Variants in PLCB4 observed in about 807,000 individuals in gnomAD.
PLCB4 encodes the protein 1-phosphatidylinositol 4,5-bisphosphate phosphodiesterase beta-4.
PLCB4 carries 77 observed loss-of-function variants against 178.8 expected under a neutral mutation model. The observed-to-expected ratio is 0.43, with a 90% CI of 0.36 to 0.52. The LOEUF is 0.52. Ranked by LOEUF, PLCB4 falls within the 20% of genes least tolerant of loss-of-function variation. The probability of loss-of-function intolerance (pLI) is 0.00; values close to 1 mark genes in which losing one functional copy is unlikely to be tolerated. For missense variants in PLCB4, 1,024 were observed against 1,453.4 expected, an observed-to-expected ratio of 0.70 and a Z score of 4.80; for synonymous variants, 496 against 490.8, an observed-to-expected ratio of 1.01 and a Z score of -0.14.
In PLCB4 at chr20:9,411,029, C is replaced by T; in HGVS notation, c.2000-8C>T. 1 of 1,606,162 alleles carries T rather than the reference C, an allele frequency of 6.2e-7. No individual in the cohort carries two copies. Among genetic ancestry groups the T allele is most frequent in the Middle Eastern group, 1.7e-4 (1 of 6,044 alleles). ...ACAAGATGCTAAATTATTTTTGTCT[C>T]TTGACAGATTTAGCGATGCAATTGA... On this transcript the variant is annotated splice_region_variant and splice_polypyrimidine_tract_variant and intron_variant, in intron 24 of 39. Transcript: ENST00000378473.
chr20:9,405,344 A>C lies in PLCB4; in HGVS notation c.1643A>C (p.Lys548Thr), dbSNP rs1346768889. 1 of 1,525,084 alleles carries C rather than the reference A, an allele frequency of 6.6e-7. No homozygotes were observed. Among genetic ancestry groups the C allele is most frequent in the Admixed American group, 1.9e-5 (1 of 52,540 alleles). 94.5% of individuals were successfully genotyped at this position (1,525,084 alleles called of 1,614,324 possible). The change falls in exon 21 of 40, where the codon AAA becomes ACA. Residue 548 changes from lysine to threonine, a missense_variant. This residue lies in a region of PLCB4 where 263 missense variants were observed against 417.4 expected (regional missense o/e 0.63). Coordinates refer to ENST00000378473, the MANE Select transcript of PLCB4 (RefSeq NM_001377142.1). ...GATGACCTTGAACATGAAAACAACA[A>C]AAAGGTAACAAAATAATTCCCTTGC... ...ASDDLEHENN[K>T]KGLVTVEDEQ...
chr20:9,458,152 T>C (rs2043170151), intron 34 of PLCB4, among the ~76,000 whole-genome samples: 1 of 151,884 alleles, frequency 6.6e-6, no homozygotes, highest in Non-Finnish European at 1.5e-5. Flanking sequence ...AAAATAGCTG[T>C]GGTTGAACCA....
intron 3 of PLCB4, among the ~76,000 whole-genome samples, chr20:9,263,700 TC>T (rs1342020530): frequency 6.6e-6 from 1 of 152,202 alleles, no homozygotes; most frequent in Non-Finnish European, 1.5e-5. Context: ...CTAAGAGCTA[TC>T]CCCTGCCCTC....
At chr20:9,193,185 G>T (rs2093427193) in intron 2 of PLCB4, among the ~76,000 whole-genome samples, 1 of 152,356 alleles carries the variant, frequency 6.6e-6, no homozygotes, top group South Asian at 2.1e-4. Context: ...CCATGACAAA[G>T]ATTTGAGTGC....
intron 7 of PLCB4, among the ~76,000 whole-genome samples, chr20:9,343,634 G>C (rs1002080967): frequency 1.3e-5 from 2 of 152,184 alleles, no homozygotes; most frequent in African/African-American, 4.8e-5. Flanking sequence ...TGCTTTGAGA[G>C]TAAATACGTT....
At chr20:9,095,110 A>G (rs983856865) in intron 1 of PLCB4, among the ~76,000 whole-genome samples, 4 of 152,216 alleles carry the variant, frequency 2.6e-5, no homozygotes, top group African/African-American at 7.2e-5. Flanking sequence ...TTAGCCAAGA[A>G]GAGTGGAACT....
intron 15 of PLCB4, among the ~76,000 whole-genome samples, chr20:9,388,031 G>T (rs1184149815): frequency 6.6e-6 from 1 of 152,144 alleles, no homozygotes. Flanking sequence ...CTGAGATCAG[G>T]AGTTGGAGAC....
chr20:9,298,549 T>C (rs1361550441), intron 3 of PLCB4, among the ~76,000 whole-genome samples: 1 of 152,090 alleles, frequency 6.6e-6, no homozygotes, highest in Non-Finnish European at 1.5e-5. Flanking sequence ...TCCTGATAGA[T>C]TGAAACCTAT....
chr20:9,379,710 C>T (rs1000453941), intron 12 of PLCB4, among the ~76,000 whole-genome samples: 1 of 152,010 alleles, frequency 6.6e-6, no homozygotes, highest in African/African-American at 2.4e-5. Context: ...TTTGACCTCA[C>T]GTTTTATAGA....
intron 2 of PLCB4, among the ~76,000 whole-genome samples, chr20:9,158,513 C>T (rs564494997): frequency 1.5e-3 from 226 of 151,758 alleles, no homozygotes; most frequent in African/African-American, 5.4e-3. Context: ...ATGTAATCCA[C>T]CCTCCTTGGC....
chr20:9,393,823 T>C (rs868074213), intron 18 of PLCB4, 145 bp downstream of exon 18: 18 of 488,374 alleles, frequency 3.7e-5, no homozygotes, highest in Middle Eastern at 4.4e-4. Flanking sequence ...CAGAGCAAGA[T>C]TGCCACATTT....
intron 25 of PLCB4, among the ~76,000 whole-genome samples, chr20:9,417,773 G>T (rs546658953): frequency 2.0e-5 from 3 of 152,260 alleles, no homozygotes; most frequent in African/African-American, 7.2e-5. Flanking sequence ...TTGAGGAACT[G>T]CCAGACTGTC....
chr20:9,375,464 G>T (rs1247315237), intron 12 of PLCB4, among the ~76,000 whole-genome samples: 1 of 152,172 alleles, frequency 6.6e-6, no homozygotes. Context: ...AAGGTTCCTT[G>T]TGAAGGTTCA....
At chr20:9,210,932 G>A (rs982327484) in intron 2 of PLCB4, among the ~76,000 whole-genome samples, 14 of 152,294 alleles carry the variant, frequency 9.2e-5, no homozygotes, top group Non-Finnish European at 1.6e-4. Context: ...ATTGTAGCAC[G>A]AACTTGAGGA....
chr20:9,228,539 AG>A (rs935208947), intron 3 of PLCB4, among the ~76,000 whole-genome samples: 4 of 152,124 alleles, frequency 2.6e-5, no homozygotes, highest in Non-Finnish European at 4.4e-5. Flanking sequence ...CCTGGGGGTT[AG>A]GGGGTGGATA....
chr20:9,180,952 A>G (rs572605686), intron 2 of PLCB4, among the ~76,000 whole-genome samples: 4 of 152,364 alleles, frequency 2.6e-5, no homozygotes, highest in Admixed American at 6.5e-5. Context: ...CAACTGCTAC[A>G]GTGAGACTTG....
intron 9 of PLCB4, among the ~76,000 whole-genome samples, chr20:9,366,796 C>T (rs1182620578): frequency 3.3e-5 from 5 of 152,188 alleles, no homozygotes; most frequent in African/African-American, 1.2e-4. Flanking sequence ...CCCCAGATGC[C>T]AACTCTCTCT....
intron 3 of PLCB4, chr20:9,280,495 A>T: frequency 1.0e-6 from 1 of 977,766 alleles, no homozygotes; most frequent in Non-Finnish European, 1.2e-6. Context: ...CTCTGTCCTA[A>T]TTTCACTGGG....
intron 2 of PLCB4, among the ~76,000 whole-genome samples, chr20:9,163,540 T>G (rs75315214): frequency 4.9e-5 from 7 of 142,102 alleles, no homozygotes; most frequent in African/African-American, 8.9e-5. Context: ...ATCCTCCATG[T>G]TTTTTTTTTC....
Sources: gnomAD v4.1 joint callset for allele counts (sites outside exome capture counted in the v4.1 genomes callset) on GRCh38, gnomAD v4.1.1 for gene constraint, gnomAD v4.1.1 regional missense constraint, MANE v1.5 for transcripts, NCBI Gene and HGNC (gene_info 2026-07-23, HGNC 2026-07-21) for gene names.